SLAIN2: variants seen among roughly 807,000 people sequenced by gnomAD.
SLAIN2 encodes SLAIN family member 2, also known as SLAIN motif-containing protein 2.
SLAIN2 carries 31 observed loss-of-function variants against 56.6 expected under a neutral mutation model. That is an observed-to-expected ratio of 0.55 (90% confidence interval 0.41 to 0.74). The LOEUF is 0.74. Ranked by LOEUF, SLAIN2 falls within the 30% of genes least tolerant of loss-of-function variation. The pLI is 0.00. For missense variants in SLAIN2, 777 were observed against 754.2 expected, an observed-to-expected ratio of 1.03 and a Z score of -0.35; for synonymous variants, 317 against 284.9, an observed-to-expected ratio of 1.11 and a Z score of -1.13.
At chr4:48,420,984 T>G (rs1251254812) in intron 7 of SLAIN2, among the ~76,000 whole-genome samples, 1 of 151,978 alleles carries the variant, frequency 6.6e-6, no homozygotes, top group African/African-American at 2.4e-5. Context: ...GTGCTAGGTA[T>G]TTTGTTGTTG....
intron 2 of SLAIN2, among the ~76,000 whole-genome samples, chr4:48,376,315 C>T (rs1418617537): frequency 6.6e-6 from 1 of 151,868 alleles, no homozygotes; most frequent in African/African-American, 2.4e-5. Context: ...ATTAGCCAGG[C>T]GTGGTGGCAC....
intron 2 of SLAIN2, among the ~76,000 whole-genome samples, chr4:48,374,444 T>G (rs1219286479): frequency 3.9e-5 from 6 of 152,248 alleles, no homozygotes; most frequent in Admixed American, 3.9e-4. Context: ...TTCACGATGT[T>G]GGCCAGGCTG....
intron 6 of SLAIN2, among the ~76,000 whole-genome samples, chr4:48,414,718 C>A (rs1372745641): frequency 9.4e-6 from 1 of 106,488 alleles, no homozygotes; most frequent in Admixed American, 1.0e-4. Context: ...CTCCCCCGAC[C>A]CCACCACAGT....
At chr4:48,363,773 G>T (rs571550498) in intron 1 of SLAIN2, among the ~76,000 whole-genome samples, 15,978 of 124,010 alleles carry the variant, frequency 0.13, 932 homozygotes, top group Non-Finnish European at 0.2. Flanking sequence ...CCTCCCGGAC[G>T]GGGCGGCTGG....
chr4:48,421,237 G>T (rs1314207755), intron 7 of SLAIN2, among the ~76,000 whole-genome samples: 1 of 152,076 alleles, frequency 6.6e-6, no homozygotes, highest in Non-Finnish European at 1.5e-5. Flanking sequence ...GAGCTCCTGA[G>T]TTCAAGTGAT....
At chr4:48,351,593 C>T (rs910250785) in intron 1 of SLAIN2, among the ~76,000 whole-genome samples, 12 of 152,086 alleles carry the variant, frequency 7.9e-5, no homozygotes, top group Non-Finnish European at 1.2e-4. Context: ...TGAGCAGGCA[C>T]GGTAAGTCTT....
chr4:48,412,312 G>T (rs1716877624), intron 6 of SLAIN2, among the ~76,000 whole-genome samples: 1 of 149,394 alleles, frequency 6.7e-6, no homozygotes, highest in Non-Finnish European at 1.5e-5. Context: ...CCCCTACCAG[G>T]GTGGAGATAT....
rs190501311 is a variant in SLAIN2, at chr4:48,422,587, G to A, written c.*510G>A. ...CTAGTACACCAGGAAACTACAGATT[G>A]AGATTAGGGGGTGGGAGGAAAGAAA... is the stretch of plus-strand genomic sequence containing the variant. On this transcript the variant is annotated 3_prime_UTR_variant, in exon 8 of 8. Coordinates refer to ENST00000264313, the MANE Select transcript of SLAIN2 (RefSeq NM_020846.2). 1 of 152,344 alleles carries A rather than the reference G, an allele frequency of 6.6e-6. No homozygotes were observed. The highest frequency in any genetic ancestry group is 2.4e-5 in the African/African-American group (1 of 41,566). The allele number at this position is 152,344 out of a possible 1,614,324, so 9.4% of individuals were successfully genotyped here.
At chr4:48,395,833 C>CGAA (rs1716365676) in intron 6 of SLAIN2, among the ~76,000 whole-genome samples, 1 of 19,088 alleles carries the variant, frequency 5.2e-5, no homozygotes, top group Admixed American at 5.6e-4. Context: ...TTTTTTGAGA[C>CGAA]TTTTCAATAT....
In SLAIN2 at chr4:48,372,365, A is replaced by G. The variant is rs964343462; in HGVS notation, c.538+2368A>G. On this transcript the variant is annotated intron_variant, in intron 2 of 7. Transcript: ENST00000264313. ...AACAATTTTAGTCTTTGTTGCCTGT[A>G]AGATCTCTGTTGCAGTTACTCAACT... Among the ~76,000 whole-genome samples the G allele has an allele frequency of 5.9e-5, 9 of 152,330 alleles. No homozygotes were observed. In the East Asian group the frequency reaches 1.7e-3, roughly 29 times the overall value.
chr4:48,343,678 G>A (rs1454760891), intron 1 of SLAIN2, among the ~76,000 whole-genome samples: 1 of 152,212 alleles, frequency 6.6e-6, no homozygotes, highest in Non-Finnish European at 1.5e-5. Flanking sequence ...TGAGGAAAGA[G>A]CGGGAAGGGC....
rs1328810815 is a variant in SLAIN2 at position 48,407,630 on chromosome 4, G to GCT, written c.1361-12487_1361-12486dup. On this transcript the variant is annotated intron_variant, in intron 6 of 7. Transcript: ENST00000264313. The stretch of plus-strand genomic sequence containing the variant: ...AGACTTACTAATTTTATGGTTCTTA[G>GCT]CTCTCTCTCGTATTTGGAAGTGTTC... 2.0e-5 allele frequency among the ~76,000 whole-genome samples: 3 copies of GCT among 152,014 alleles called. No homozygotes were observed. In the South Asian group the frequency reaches 6.2e-4, roughly 32 times the overall value.
At chr4:48,397,668 G>A (rs1485329909) in intron 6 of SLAIN2, among the ~76,000 whole-genome samples, 3 of 151,958 alleles carry the variant, frequency 2.0e-5, no homozygotes, top group East Asian at 1.9e-4. Flanking sequence ...TTCCCCCGCC[G>A]CCCCTGACAG....
chr4:48,401,825 T>TA (rs1716564343), intron 6 of SLAIN2, among the ~76,000 whole-genome samples: 1 of 152,202 alleles, frequency 6.6e-6, no homozygotes, highest in African/African-American at 2.4e-5. Context: ...GTTAGCTCGT[T>TA]ATTTTGCAGA....
At chr4:48,406,894 T>A (rs188201705) in intron 6 of SLAIN2, among the ~76,000 whole-genome samples, 1 of 152,160 alleles carries the variant, frequency 6.6e-6, no homozygotes, top group South Asian at 2.1e-4. Context: ...GTTTCTGTTA[T>A]AATCATTTGG....
At chr4:48,348,724 A>C (rs987101257) in intron 1 of SLAIN2, among the ~76,000 whole-genome samples, 5 of 151,762 alleles carry the variant, frequency 3.3e-5, no homozygotes, top group Non-Finnish European at 7.4e-5. Context: ...CCTTTAAGAC[A>C]GAGTGCTAAG....
chr4:48,349,958 A>G (rs1173945011), intron 1 of SLAIN2, among the ~76,000 whole-genome samples: 1 of 151,920 alleles, frequency 6.6e-6, no homozygotes. Flanking sequence ...TAACAATTTA[A>G]TTGGGCAAAA....
intron 6 of SLAIN2, among the ~76,000 whole-genome samples, chr4:48,403,496 G>C (rs1316323632): frequency 6.6e-6 from 1 of 152,164 alleles, no homozygotes; most frequent in Non-Finnish European, 1.5e-5. Flanking sequence ...TGGCACAGCA[G>C]CTGTGCTGCA....
chr4:48,378,682 T>C (rs1339246279), intron 3 of SLAIN2, among the ~76,000 whole-genome samples: 3 of 152,222 alleles, frequency 2.0e-5, no homozygotes, highest in Non-Finnish European at 4.4e-5. Context: ...AATTTTGACC[T>C]GTGCACTCCC....
Sources: allele counts gnomAD v4.1 joint callset (sites outside exome capture counted in the v4.1 genomes callset), GRCh38; gene constraint gnomAD v4.1.1; transcripts MANE v1.5; gene names NCBI Gene and HGNC (gene_info 2026-07-23, HGNC 2026-07-21).